Variants in SH3D21 observed in about 807,000 individuals in gnomAD.
The protein encoded by SH3D21 is SH3 domain-containing protein 21.
SH3D21 carries 83 observed loss-of-function variants against 82.1 expected under a neutral mutation model. That is an observed-to-expected ratio of 1.01 (90% CI 0.85 to 1.21). The LOEUF (loss-of-function observed/expected upper bound fraction) is 1.21. Ranked by LOEUF, SH3D21 falls within the 50% of genes most tolerant of loss-of-function variation. The pLI is 0.00. For synonymous variants in SH3D21, 383 were observed against 387.8 expected, an observed-to-expected ratio of 0.99 and a Z score of 0.15; for missense variants, 980 against 962.1, an observed-to-expected ratio of 1.02 and a Z score of -0.25.
rs1270556793 is a variant in SH3D21, at chr1:36,308,183, G to T, written c.613G>T (p.Gly205Trp). The stretch of plus-strand genomic sequence containing the variant: ...CCCAGACGAGTTGGCGCTGCGGAGG[G>T]GGGACGTGGTAAAAGTACTCAGCAA... ...EAPDELALRR[G>W]DVVKVLSKTT... is the part of the protein sequence containing the mutation. Residue 205 changes from glycine to tryptophan, a missense_variant, in exon 8 of 16, where the codon GGG (glycine) becomes TGG (tryptophan). Gly to Trp is a radical substitution (Grantham distance 184). Coordinates refer to ENST00000453908, the MANE Select transcript of SH3D21 (RefSeq NM_001162530.2). 7.8e-6 allele frequency: 12 copies of T among 1,546,152 alleles called. No individual in the cohort carries two copies. The highest frequency in any genetic ancestry group is 1.4e-5 in the African/African-American group (1 of 72,908).
At chr1:36,322,539 G>T, downstream of SH3D21, 1 of 1,600,008 alleles carries the variant, frequency 6.2e-7, no homozygotes. Flanking sequence ...CCGAGTCACC[G>T]TGTCCTCCTC....
At chr1:36,316,440 G>C (rs896390198) in intron 10 of SH3D21, among the ~76,000 whole-genome samples, 7 of 152,176 alleles carry the variant, frequency 4.6e-5, no homozygotes, top group African/African-American at 1.7e-4. Flanking sequence ...TCACCATGTT[G>C]GCCAGGCTGG....
downstream of SH3D21, among the ~76,000 whole-genome samples, chr1:36,330,114 C>T (rs954950426): frequency 1.3e-5 from 2 of 152,102 alleles, no homozygotes; most frequent in Non-Finnish European, 1.5e-5. Context: ...ACCCCCAACT[C>T]GGTTCACACA....
chr1:36,311,152 G>A (rs937501046), intron 10 of SH3D21, among the ~76,000 whole-genome samples: 5 of 152,124 alleles, frequency 3.3e-5, no homozygotes, highest in African/African-American at 9.7e-5. Context: ...CAGGCAATCC[G>A]CTTGCCTTGG....
Position 36,320,556 on chromosome 1 carries a change from A to G in SH3D21, c.1893A>G (p.Lys631=). The change falls in exon 14 of 16, where the codon AAA becomes AAG. Residue 631 remains lysine (K), a synonymous_variant. Transcript: ENST00000453908. ...CTTCCAAAGAGGAGGTGACCCTGAA[A>G]GAGGAATTGCCCCCTAAAGAGGAAG... ...GVASKEEVTL[K]EELPPKEEVA... 6.2e-7 allele frequency: 1 copy of G among 1,614,222 alleles called. No individual in the cohort carries two copies. The highest frequency in any genetic ancestry group is 1.1e-5 in the South Asian group (1 of 91,088).
chr1:36,322,599 CGCTGAGCCGGGCCCCGGG>C (rs764317016), downstream of SH3D21: 8 of 1,559,438 alleles, frequency 5.1e-6, no homozygotes, highest in Non-Finnish European at 6.1e-6. Context: ...GGGGTCCCGG[CGCTGAGCCGGGCCCCGGG>C]GCCGCGGGCG....
At position 36,309,591 on chromosome 1, in the gene SH3D21, G is replaced by A. The variant is rs1646197409; in HGVS notation, c.769+1G>A. ...CGGAAAGTGGTATCTCGGGAATCAG[G>A]TGAGTGCCCGGGGAGCCTGGGATTG... On this transcript the variant is annotated splice_donor_variant, in intron 10 of 15. Coordinates refer to ENST00000453908, the MANE Select transcript of SH3D21 (RefSeq NM_001162530.2). LOFTEE classifies it high-confidence loss of function. The A allele has an allele frequency of 7.7e-6, 12 of 1,551,548 alleles. No individual in the cohort carries two copies. In the African/African-American group the frequency reaches 1.4e-4, roughly 18 times the overall value.
Position 36,307,041 on chromosome 1 carries a change from C to G in SH3D21, c.227-126C>G. 6.8e-7 allele frequency: 1 copy of G among 1,464,450 alleles called. No individual in the cohort carries two copies. The highest frequency in any genetic ancestry group is 9.1e-7 in the Non-Finnish European group (1 of 1,104,438). The allele number at this position is 1,464,450 out of a possible 1,614,324, so 90.7% of individuals were successfully genotyped here. ...CGCCCTGCGGTCTGTGATTGGTTCT[C>G]GAGTGCAATGCTCCGCCCTGGGGCG... On this transcript the variant is annotated intron_variant, in intron 3 of 15. Coordinates refer to ENST00000453908, the MANE Select transcript of SH3D21 (RefSeq NM_001162530.2). The surrounding 1 kb of genome is among the most constrained non-coding windows in gnomAD (Gnocchi z 5.4).
intron 9 of SH3D21, 116 bp from the exon 10 acceptor site, chr1:36,309,432 A>G: frequency 4.2e-6 from 5 of 1,201,548 alleles, no homozygotes; most frequent in Non-Finnish European, 5.8e-6. Flanking sequence ...TCTGTCCTCA[A>G]GTGATCCACT....
chr1:36,308,368 A>C, intron 8 of SH3D21, 21 bp from the exon 9 acceptor site: 1 of 1,550,758 alleles, frequency 6.4e-7, no homozygotes, highest in Admixed American at 2.0e-5. Context: ...TCACCTCCCC[A>C]CTGGCGTGTT....
In SH3D21 at chr1:36,306,970, C is replaced by T. The variant is rs764799291; in HGVS notation, c.226+65C>T. 29 of 1,361,242 alleles carry T rather than the reference C, an allele frequency of 2.1e-5. No individual in the cohort carries two copies. Among genetic ancestry groups the T allele is most frequent in the Non-Finnish European group, 2.6e-5 (27 of 1,050,058 alleles). 84.3% of individuals were successfully genotyped at this position (1,361,242 alleles called of 1,614,324 possible). A position where few individuals can be genotyped will look rare whatever the true frequency, so the allele number is the denominator to read the frequency against. On this transcript the variant is annotated intron_variant, in intron 3 of 15. Coordinates refer to ENST00000453908, the MANE Select transcript of SH3D21 (RefSeq NM_001162530.2). This position sits in a 1 kb window ranked among gnomAD's most constrained non-coding sequence, Gnocchi z 4.5. The stretch of plus-strand genomic sequence containing the variant: ...CACGGAGCCAGTGCGACCCCGGCGT[C>T]TCCGGCTCTTAGTGACGGGCGCGGC...
chr1:36,307,198 A>G lies in SH3D21; in HGVS notation c.258A>G (p.Arg86=), dbSNP rs578156407. The G allele has an allele frequency of 1.3e-6, 2 of 1,551,770 alleles. No homozygotes were observed. The highest frequency in any genetic ancestry group is 2.4e-5 in the East Asian group (1 of 40,922). ...CTGCCAAACACCCGAGGCCCCAAAGATGGTGCAAAGTGAACTTCAGCTACA... is the reference window on the plus strand; with the variant it reads ...CTGCCAAACACCCGAGGCCCCAAAGGTGGTGCAAAGTGAACTTCAGCTACA... ...GHPAKHPRPQ[R]WCKVNFSYSP... is the part of the protein sequence containing the mutation. Residue 86 remains arginine, a synonymous_variant, in exon 4 of 16, where the codon AGA becomes AGG. Transcript: ENST00000453908. This position sits in a 1 kb window ranked among gnomAD's most constrained non-coding sequence, Gnocchi z 5.4.
chr1:36,307,518 T>C lies in SH3D21; in HGVS notation c.347T>C (p.Ile116Thr). The C allele has an allele frequency of 6.4e-7, 1 of 1,551,588 alleles. No homozygotes were observed. The highest frequency in any genetic ancestry group is 8.7e-7 in the Non-Finnish European group (1 of 1,146,930). ...AGEIVEMIKEIEDGWWLGKKN... is the reference protein window; with the variant it reads ...AGEIVEMIKETEDGWWLGKKN... ...CTCTGCGTCCTCCCCTCTCCCCAGA[T>C]TGAGGACGGCTGGTGGCTGGGGAAG... The change falls in exon 5 of 16, where the codon ATT becomes ACT. Residue 116 changes from isoleucine to threonine, a missense_variant and splice_region_variant. Transcript: ENST00000453908. The surrounding 1 kb of genome is among the most constrained non-coding windows in gnomAD (Gnocchi z 5.4).
intron 9 of SH3D21, among the ~76,000 whole-genome samples, chr1:36,309,025 T>C (rs757636097): frequency 3.3e-5 from 5 of 152,106 alleles, no homozygotes; most frequent in Non-Finnish European, 7.4e-5. Context: ...ATGTTTCATA[T>C]ACACCTTAAG....
downstream of SH3D21, among the ~76,000 whole-genome samples, chr1:36,325,797 A>T (rs1311038878): frequency 3.3e-5 from 5 of 151,452 alleles, no homozygotes; most frequent in Admixed American, 6.6e-5. Context: ...ACCTGCCTTG[A>T]CCTCCCAAAG....
chr1:36,307,081 A>G lies in SH3D21; in HGVS notation c.227-86A>G. 2 of 1,531,264 alleles carry G rather than the reference A, an allele frequency of 1.3e-6. No homozygotes were observed. Among genetic ancestry groups the G allele is most frequent in the South Asian group, 1.2e-5 (1 of 80,700 alleles). The allele number at this position is 1,531,264 out of a possible 1,614,324, so 94.9% of individuals were successfully genotyped here. A position where few individuals can be genotyped will look rare whatever the true frequency, so the allele number is the denominator to read the frequency against. ...GCCCTGGGGCGGGGCTGGAGGGACC[A>G]AAGGCTACGTGCGCGCCTTGCGCTT... is the stretch of plus-strand genomic sequence containing the variant. On this transcript the variant is annotated intron_variant, in intron 3 of 15. Coordinates refer to ENST00000453908, the MANE Select transcript of SH3D21 (RefSeq NM_001162530.2). This position sits in a 1 kb window ranked among gnomAD's most constrained non-coding sequence, Gnocchi z 5.4.
rs551675655 is a variant in SH3D21, at chr1:36,320,398, C to A, written c.1735C>A (p.Pro579Thr). The A allele has an allele frequency of 3.1e-6, 5 of 1,613,462 alleles. No individual in the cohort carries two copies. The highest frequency in any genetic ancestry group is 4.2e-6 in the Non-Finnish European group (5 of 1,179,920). The change falls in exon 14 of 16, where the codon CCC becomes ACC. Residue 579 changes from proline to threonine, a missense_variant. Physicochemically the swap from Pro to Thr is conservative, Grantham distance 38 (BLOSUM62 -1). Coordinates refer to ENST00000453908, the MANE Select transcript of SH3D21 (RefSeq NM_001162530.2). ...GPASRPALEKPHPHEEATTLP... is the reference protein window; with the variant it reads ...GPASRPALEKTHPHEEATTLP... The stretch of plus-strand genomic sequence containing the variant: ...AGCATCCAGGCCTGCCCTTGAGAAG[C>A]CCCACCCCCACGAAGAGGCTACAAC...
At chr1:36,328,292 G>T, downstream of SH3D21, 1 of 378,522 alleles carries the variant, frequency 2.6e-6, no homozygotes, top group Non-Finnish European at 5.3e-6. Context: ...GGCCCCAGTG[G>T]CCAAACTGAA....
Position 36,320,323 on chromosome 1 carries a change from CTAGT to C in SH3D21, c.1664_1667del (p.Val555GlufsTer11). 1 of 1,613,068 alleles carries C rather than the reference CTAGT, an allele frequency of 6.2e-7. No homozygotes were observed. Among genetic ancestry groups the C allele is most frequent in the Non-Finnish European group, 8.5e-7 (1 of 1,179,942 alleles). On this transcript the variant is annotated frameshift_variant, in exon 14 of 16. Coordinates refer to ENST00000453908, the MANE Select transcript of SH3D21 (RefSeq NM_001162530.2). LOFTEE classifies it high-confidence loss of function. Reference sequence around the variant, plus strand: ...GTGCCTGGGAGAGATGAAATGTACCCTAGTTAGAGGGGACAGCTCCCCACGCCAG... The same window carrying C: ...GTGCCTGGGAGAGATGAAATGTACCCTAGAGGGGACAGCTCCCCACGCCAG...
Sources: gnomAD v4.1 joint callset for allele counts (sites outside exome capture counted in the v4.1 genomes callset) on GRCh38, gnomAD v4.1.1 for gene constraint, Gnocchi (gnomAD v3.1) non-coding constraint, MANE v1.5 for transcripts, NCBI Gene and HGNC (gene_info 2026-07-23, HGNC 2026-07-21) for gene names.